Variants in RNF145 observed in about 807,000 individuals in gnomAD.
RNF145 encodes the protein ring finger protein 145.
RNF145 carries 12 observed loss-of-function variants against 57.3 expected under a neutral mutation model. That is an observed-to-expected ratio of 0.21 (90% CI 0.13 to 0.34). The LOEUF is 0.34. Ranked by LOEUF, RNF145 falls within the 10% of genes least tolerant of loss-of-function variation. The pLI, the probability that RNF145 is intolerant of heterozygous loss-of-function variation, is 1.00. For synonymous variants in RNF145, 262 were observed against 288.3 expected, an observed-to-expected ratio of 0.91 and a Z score of 0.92; for missense variants, 429 against 799.0, an observed-to-expected ratio of 0.54 and a Z score of 5.58.
intron 3 of RNF145, among the ~76,000 whole-genome samples, chr5:159,186,214 G>A (rs144841760): frequency 1.9e-4 from 29 of 152,024 alleles, no homozygotes; most frequent in Middle Eastern, 3.4e-3. Flanking sequence ...GTCAGAGTGA[G>A]ACCCTGTCTC....
Position 159,182,020 on chromosome 5 carries a change from A to T in RNF145, c.325T>A (p.Tyr109Asn), listed in dbSNP as rs1406568960. 1 of 1,609,416 alleles carries T rather than the reference A, an allele frequency of 6.2e-7. No homozygotes were observed. Among genetic ancestry groups the T allele is most frequent in the Non-Finnish European group, 8.5e-7 (1 of 1,176,146 alleles). ...DYVRSELEFA[Y>N]EGPMYLEPLS... Reference sequence around the variant, plus strand: ...GGTTCTAAATACATTGGTCCCTCATAGGCAAACTCCAGTTCACTCCGAACA... The same window carrying T: ...GGTTCTAAATACATTGGTCCCTCATTGGCAAACTCCAGTTCACTCCGAACA... The change falls in exon 4 of 11, where the codon TAT (tyrosine) becomes AAT (asparagine). Residue 109 changes from tyrosine (Y) to asparagine (N), a missense_variant. Transcript: ENST00000424310.
chr5:159,206,688 A>G (rs1299933008), intron 1 of RNF145, among the ~76,000 whole-genome samples: 20 of 152,166 alleles, frequency 1.3e-4, no homozygotes, highest in Admixed American at 1.3e-3. Flanking sequence ...AGTACAGGGG[A>G]GCTCAATATT....
chr5:159,197,825 T>C (rs963770363), intron 2 of RNF145, among the ~76,000 whole-genome samples: 2 of 152,138 alleles, frequency 1.3e-5, no homozygotes, highest in Non-Finnish European at 2.9e-5. Context: ...GGTGTAGTAG[T>C]GCACACCTAT....
chr5:159,205,140 A>C (rs546113038), intron 1 of RNF145, among the ~76,000 whole-genome samples: 19 of 152,012 alleles, frequency 1.2e-4, no homozygotes, highest in Middle Eastern at 6.8e-3. Context: ...CTTTTCAATA[A>C]TCATATATCA....
At chr5:159,186,936 T>C (rs916389291) in intron 3 of RNF145, among the ~76,000 whole-genome samples, 5 of 151,280 alleles carry the variant, frequency 3.3e-5, no homozygotes, top group Non-Finnish European at 5.9e-5. Flanking sequence ...TGAGCCAAGA[T>C]TGCACCATTG....
chr5:159,164,126 C>G (rs1299037867), intron 8 of RNF145, among the ~76,000 whole-genome samples: 1 of 152,026 alleles, frequency 6.6e-6, no homozygotes, highest in Non-Finnish European at 1.5e-5. Context: ...AAATGCTATA[C>G]AGTGTGGTCC....
intron 8 of RNF145, among the ~76,000 whole-genome samples, chr5:159,165,215 A>G (rs961252376): frequency 2.0e-5 from 3 of 152,194 alleles, no homozygotes; most frequent in Non-Finnish European, 4.4e-5. Flanking sequence ...AACCACATCT[A>G]ACGACAGGGG....
upstream of RNF145, chr5:159,209,672 C>T: frequency 1.1e-6 from 1 of 949,206 alleles, no homozygotes. Flanking sequence ...CTTTCCGCAC[C>T]GCCTCCGGTG....
At chr5:159,209,718 C>G (rs1786048108), upstream of RNF145, 1 of 1,087,660 alleles carries the variant, frequency 9.2e-7, no homozygotes, top group South Asian at 1.5e-5. Context: ...CAAGCCCATA[C>G]AGCCCGGCTC....
At position 159,170,590 on chromosome 5, in the gene RNF145, T is replaced by C. The variant is rs372875413; in HGVS notation, c.798-771A>G. Among the ~76,000 whole-genome samples, 7 of 152,264 alleles carry C rather than the reference T, an allele frequency of 4.6e-5. No individual in the cohort carries two copies. In the East Asian group the frequency reaches 5.8e-4, roughly 13 times the overall value. On this transcript the variant is annotated intron_variant, in intron 6 of 10. Transcript: ENST00000424310. Reference sequence around the variant, plus strand: ...AGATTTAGCATTTACACAATATCTATCTTATATATACGTATATTTATTTGA... The same window carrying C: ...AGATTTAGCATTTACACAATATCTACCTTATATATACGTATATTTATTTGA...
chr5:159,159,014 T>A lies in RNF145; in HGVS notation c.1648A>T (p.Thr550Ser). 6.2e-7 allele frequency: 1 copy of A among 1,613,550 alleles called. No individual in the cohort carries two copies. Among genetic ancestry groups the A allele is most frequent in the Non-Finnish European group, 8.5e-7 (1 of 1,179,592 alleles). The stretch of plus-strand genomic sequence containing the variant: ...GCATGGAAAAAATGACTGCAAGGCG[T>A]GATCACAGCAGATTTCATGTCCTAA... ...CYQDMKSAVITPCSHFFHAGC... is the reference protein window; with the variant it reads ...CYQDMKSAVISPCSHFFHAGC... Residue 550 changes from threonine (T) to serine (S), a missense_variant, in exon 11 of 11, where the codon ACG (threonine) becomes TCG (serine). Physicochemically the swap from Thr to Ser is moderately conservative, Grantham distance 58 (BLOSUM62 1). Coordinates refer to ENST00000424310, the MANE Select transcript of RNF145 (RefSeq NM_001199383.2).
chr5:159,209,597 C>T (rs1786040972), upstream of RNF145: 1 of 1,048,362 alleles, frequency 9.5e-7, no homozygotes, highest in Non-Finnish European at 1.2e-6. Flanking sequence ...TGCGCGCGGC[C>T]CAGCCAGCGC....
rs151308498 is a variant in RNF145 at position 159,158,755 on chromosome 5, C to A, written c.1907G>T (p.Arg636Leu). Residue 636 changes from arginine (R) to leucine (L), a missense_variant, in exon 11 of 11, where the codon CGA becomes CTA. Around this residue, in one of 4 missense-constraint regions of RNF145, gnomAD observed 102 missense variants for 106.2 expected, o/e 0.96. Transcript: ENST00000424310. ...AAAAGCCCCTTCCTGGTTATCTGGT[C>A]GTCTGGCAATGTACTCATTATTGTC... is the stretch of plus-strand genomic sequence containing the variant. ...SRDNNEYIAR[R>L]PDNQEGAFDP... 2.5e-6 allele frequency: 4 copies of A among 1,613,920 alleles called. No homozygotes were observed. The highest frequency in any genetic ancestry group is 2.5e-6 in the Non-Finnish European group (3 of 1,179,862).
upstream of RNF145, chr5:159,209,795 A>G: frequency 6.8e-7 from 1 of 1,479,146 alleles, no homozygotes; most frequent in South Asian, 1.2e-5. Context: ...CCATTCTGAC[A>G]CACGTGCTCT....
At position 159,158,848 on chromosome 5, in the gene RNF145, A is replaced by G. The variant is rs370871366; in HGVS notation, c.1814T>C (p.Phe605Ser). 2.5e-6 allele frequency: 4 copies of G among 1,613,772 alleles called. No individual in the cohort carries two copies. In the African/African-American group the frequency reaches 5.3e-5, roughly 22 times the overall value. The change falls in exon 11 of 11, where the codon TTT (phenylalanine) becomes TCT (serine). Residue 605 changes from phenylalanine (F) to serine (S), a missense_variant. Coordinates refer to ENST00000424310, the MANE Select transcript of RNF145 (RefSeq NM_001199383.2). The stretch of plus-strand genomic sequence containing the variant: ...GCCTGGGGGTTCAGTACCTTCCTGA[A>G]ACATGACGTTTTGCTCAGCTCCAGC... Reference protein sequence around the residue: ...PHAGAEQNVMFQEGTEPPGQE... With the variant: ...PHAGAEQNVMSQEGTEPPGQE...
intron 1 of RNF145, chr5:159,207,377 AG>A: frequency 1.3e-6 from 1 of 754,368 alleles, no homozygotes. Flanking sequence ...AAAAAGACAA[AG>A]AAAAAACAAG....
At position 159,158,726 on chromosome 5, in the gene RNF145, G is replaced by A. The variant is rs202171231; in HGVS notation, c.1936C>T (p.Pro646Ser). The change falls in exon 11 of 11, where the codon CCC becomes TCC. Residue 646 changes from proline (P) to serine (S), a missense_variant. Coordinates refer to ENST00000424310, the MANE Select transcript of RNF145 (RefSeq NM_001199383.2). ...RPDNQEGAFD[P>S]KEYPHSAKDE... ...TTCGCACTGTGAGGATATTCTTTGG[G>A]GTCAAAAGCCCCTTCCTGGTTATCT... is the stretch of plus-strand genomic sequence containing the variant. The A allele has an allele frequency of 6.2e-7, 1 of 1,613,920 alleles. No individual in the cohort carries two copies. The highest frequency in any genetic ancestry group is 1.3e-5 in the African/African-American group (1 of 75,016).
upstream of RNF145, chr5:159,209,907 C>T (rs1786053830): frequency 6.5e-7 from 1 of 1,535,910 alleles, no homozygotes; most frequent in African/African-American, 1.4e-5. Context: ...GGTGCATTCG[C>T]AGTAGCAATG....
rs1584669030 is a variant in RNF145 at position 159,168,910 on chromosome 5, C to G, written c.1084G>C (p.Asp362His). 1.3e-6 allele frequency: 2 copies of G among 1,583,518 alleles called. No individual in the cohort carries two copies. The highest frequency in any genetic ancestry group is 1.7e-6 in the Non-Finnish European group (2 of 1,169,258). ...SILQSMLEIA[D>H]PIVLALGASR... ...GCTCCCAGTGCCAAAACAATAGGAT[C>G]TGCAATTTCTAACATAGACTGTAGG... Residue 362 changes from aspartate (D) to histidine (H), a missense_variant, in exon 8 of 11, where the codon GAT (aspartate) becomes CAT (histidine). By Grantham distance (81) the Asp-to-His change is moderately conservative (BLOSUM62 -1). Around this residue, in one of 4 missense-constraint regions of RNF145, gnomAD observed 216 missense variants for 457.6 expected, o/e 0.47. Transcript: ENST00000424310.
Sources: gnomAD v4.1 joint callset for allele counts (sites outside exome capture counted in the v4.1 genomes callset) on GRCh38, gnomAD v4.1.1 for gene constraint, gnomAD v4.1.1 regional missense constraint, MANE v1.5 for transcripts, NCBI Gene and HGNC (gene_info 2026-07-23, HGNC 2026-07-21) for gene names.